The following LRRC4C variants were observed in gnomAD, a reference collection of about 807,000 sequenced individuals.
The protein encoded by LRRC4C is leucine rich repeat containing 4C.
Under a neutral mutation model 33.6 loss-of-function variants are expected in LRRC4C, and 5 were observed. The ratio of observed to expected loss-of-function variants is 0.15; its 90% CI spans 0.08 to 0.31. LRRC4C has a LOEUF of 0.31. LRRC4C is among the 10% of genes least tolerant of loss of function. The pLI is 1.00. For synonymous variants in LRRC4C, 329 were observed against 302.0 expected (o/e 1.09, Z -0.93); for missense variants, 560 against 796.7 (o/e 0.70, Z 3.58).
chr11:40,320,755 CTT>C (rs1945803594), intron 3 of LRRC4C, among the ~76,000 whole-genome samples: 1 of 152,138 alleles, frequency 6.6e-6, no homozygotes, highest in South Asian at 2.1e-4. Flanking sequence ...ACCCTTCCAT[CTT>C]TCAAATTCTG....
chr11:40,623,893 T>C (rs1484119741), intron 3 of LRRC4C, among the ~76,000 whole-genome samples: 1 of 152,108 alleles, frequency 6.6e-6, no homozygotes, highest in East Asian at 1.9e-4. Context: ...CTCTACATTA[T>C]AAAAACTCAC....
At chr11:40,745,598 C>G (rs1948378158) in intron 2 of LRRC4C, among the ~76,000 whole-genome samples, 1 of 151,906 alleles carries the variant, frequency 6.6e-6, no homozygotes. Context: ...AATAATTCAG[C>G]CTATATAACA....
chr11:41,362,130 T>G (rs1952376458), intron 1 of LRRC4C, among the ~76,000 whole-genome samples: 1 of 152,132 alleles, frequency 6.6e-6, no homozygotes, highest in African/African-American at 2.4e-5. Context: ...GATTCCTCAC[T>G]CATATCAGAG....
chr11:41,281,123 CACACACACACAGAG>C (rs1949666249), intron 1 of LRRC4C, among the ~76,000 whole-genome samples: 1 of 146,446 alleles, frequency 6.8e-6, no homozygotes, highest in African/African-American at 2.5e-5. Context: ...CACACACACA[CACACACACACAGAG>C]GAACATTCTT....
chr11:40,497,756 A>T (rs1954540824), intron 3 of LRRC4C, among the ~76,000 whole-genome samples: 1 of 152,194 alleles, frequency 6.6e-6, no homozygotes, highest in African/African-American at 2.4e-5. Context: ...AATCATCAGA[A>T]GTCACAAATA....
intron 3 of LRRC4C, among the ~76,000 whole-genome samples, chr11:40,647,503 A>T (rs547944707): frequency 2.6e-5 from 4 of 152,144 alleles, no homozygotes; most frequent in Non-Finnish European, 5.9e-5. Flanking sequence ...CCACAACCCA[A>T]TCCTCCAGCT....
At chr11:40,200,780 A>AG (rs1200871556) in intron 5 of LRRC4C, among the ~76,000 whole-genome samples, 12 of 149,560 alleles carry the variant, frequency 8.0e-5, no homozygotes, top group African/African-American at 2.2e-4. Context: ...AAAAAAAAAA[A>AG]AAAAAAAAGA....
At chr11:41,437,425 GCA>G (rs58445388) in intron 1 of LRRC4C, among the ~76,000 whole-genome samples, 59 of 149,248 alleles carry the variant, frequency 4.0e-4, no homozygotes, top group Middle Eastern at 3.5e-3. Flanking sequence ...GCGCGCGCGC[GCA>G]CACACACACA....
chr11:40,680,644 G>A (rs929709209), intron 2 of LRRC4C, among the ~76,000 whole-genome samples: 3 of 152,106 alleles, frequency 2.0e-5, no homozygotes, highest in African/African-American at 4.8e-5. Flanking sequence ...ATTCACATAA[G>A]GTATGACTTG....
At chr11:41,200,181 G>T (rs1231232946) in intron 1 of LRRC4C, among the ~76,000 whole-genome samples, 1 of 152,066 alleles carries the variant, frequency 6.6e-6, no homozygotes, top group Non-Finnish European at 1.5e-5. Flanking sequence ...GTGGAGATTG[G>T]AATGATGTTG....
chr11:40,787,919 A>C (rs558970166), intron 2 of LRRC4C, among the ~76,000 whole-genome samples: 24 of 152,284 alleles, frequency 1.6e-4, no homozygotes, highest in East Asian at 5.8e-4. Flanking sequence ...AACTCTTCCC[A>C]TGGAGAAAAA....
Position 40,711,700 on chromosome 11 carries a change from A to C in LRRC4C, c.-406-63422T>G, listed in dbSNP as rs530627551. On this transcript the variant is annotated intron_variant, in intron 2 of 6. Transcript: ENST00000528697. ...AGAAATCTGTGAATAGAAAAGAAACATAATTTGTAGATTCAGAGTTAGAAA... is the reference window on the plus strand; with the variant it reads ...AGAAATCTGTGAATAGAAAAGAAACCTAATTTGTAGATTCAGAGTTAGAAA... Among the ~76,000 whole-genome samples the C allele has an allele frequency of 2.0e-5, 3 of 150,502 alleles. No homozygotes were observed. In the South Asian group the frequency reaches 6.4e-4, roughly 32 times the overall value.
intron 1 of LRRC4C, among the ~76,000 whole-genome samples, chr11:41,304,220 TG>T (rs1170752342): frequency 1.6e-4 from 12 of 75,812 alleles, no homozygotes; most frequent in Non-Finnish European, 2.1e-4. Flanking sequence ...GGGAGGGAGG[TG>T]GGGGGGTCAG....
chr11:40,990,754 T>A (rs1268720836), intron 1 of LRRC4C, among the ~76,000 whole-genome samples: 2 of 152,184 alleles, frequency 1.3e-5, no homozygotes, highest in Non-Finnish European at 2.9e-5. Flanking sequence ...TTCAAATACA[T>A]ACACTGGTAG....
At chr11:40,457,348 G>C (rs773484566) in intron 3 of LRRC4C, among the ~76,000 whole-genome samples, 1 of 151,956 alleles carries the variant, frequency 6.6e-6, no homozygotes, top group Non-Finnish European at 1.5e-5. Context: ...AGCAAAAAAG[G>C]TTTTAATTGT....
chr11:41,335,946 C>T (rs533374813), intron 1 of LRRC4C, among the ~76,000 whole-genome samples: 8 of 152,256 alleles, frequency 5.3e-5, no homozygotes, highest in South Asian at 2.1e-4. Flanking sequence ...GACACTTTAA[C>T]GATTGAAATG....
intron 3 of LRRC4C, among the ~76,000 whole-genome samples, chr11:40,398,488 G>A (rs916975653): frequency 6.6e-6 from 1 of 152,038 alleles, no homozygotes; most frequent in Non-Finnish European, 1.5e-5. Context: ...TAATGTAAAT[G>A]TTCAACAGAC....
chr11:40,646,739 T>C (rs1565594893), intron 3 of LRRC4C, among the ~76,000 whole-genome samples: 1 of 152,164 alleles, frequency 6.6e-6, no homozygotes, highest in Non-Finnish European at 1.5e-5. Context: ...CCCGAGTAGC[T>C]GGGACTACAG....
At chr11:41,298,317 T>G (rs1051160593) in intron 1 of LRRC4C, among the ~76,000 whole-genome samples, 7 of 152,116 alleles carry the variant, frequency 4.6e-5, no homozygotes, top group African/African-American at 1.7e-4. Flanking sequence ...TGTCTTTTTT[T>G]CCCAGAAGTC....
Sources: allele counts gnomAD v4.1 joint callset (sites outside exome capture counted in the v4.1 genomes callset), GRCh38; gene constraint gnomAD v4.1.1; transcripts MANE v1.5; gene names NCBI Gene and HGNC (gene_info 2026-07-23, HGNC 2026-07-21).